The following PUDP variants were observed in gnomAD, a reference collection of about 807,000 sequenced individuals.
PUDP encodes pseudouridine 5'-phosphatase.
A neutral mutation model predicts 9.4 loss-of-function variants in PUDP; 8 were observed. That is an observed-to-expected ratio of 0.85 (90% CI 0.50 to 1.53). The LOEUF (loss-of-function observed/expected upper bound fraction) is 1.53, where lower values mean the gene tolerates loss of function less well. Ranked by LOEUF, PUDP falls within the 40% of genes most tolerant of loss-of-function variation. The pLI, the probability that PUDP is intolerant of heterozygous loss-of-function variation, is 0.00. For missense variants in PUDP, 188 were observed against 189.7 expected (o/e 0.99, Z 0.05); for synonymous variants, 99 against 80.7 (o/e 1.23, Z -1.22).
intron 3 of PUDP, among the ~76,000 whole-genome samples, chrX:6,927,964 C>CTTTT (rs34707742): frequency 5.3e-5 from 5 of 93,707 alleles, no homozygotes; most frequent in African/African-American, 1.9e-4. Flanking sequence ...GTGGTCTTCT[C>CTTTT]TTTTTTTTTT....
chrX:6,782,383 A>G (rs934360217), intron 3 of PUDP, among the ~76,000 whole-genome samples: 1 of 110,992 alleles, frequency 9.0e-6, no homozygotes, highest in African/African-American at 3.3e-5. Context: ...CAGCCTGGCC[A>G]ACATAGTGAA....
intron 1 of PUDP, among the ~76,000 whole-genome samples, chrX:7,014,099 C>G (rs1431604394): frequency 9.1e-6 from 1 of 110,448 alleles, no homozygotes; most frequent in African/African-American, 3.3e-5. Context: ...TTCCCTCTGA[C>G]CACCCCCAGT....
chrX:7,123,636 AG>A (rs1170369656), intron 1 of PUDP, among the ~76,000 whole-genome samples: 1 of 112,015 alleles, frequency 8.9e-6, no homozygotes, highest in African/African-American at 3.2e-5. Flanking sequence ...TATCTACAAT[AG>A]AGATACAATT....
intron 3 of PUDP, among the ~76,000 whole-genome samples, chrX:7,063,633 T>C (rs1030842292): frequency 8.1e-5 from 9 of 111,522 alleles, no homozygotes; most frequent in Non-Finnish European, 1.9e-5. Flanking sequence ...TTTTAAATAC[T>C]ACAAGTATAA....
intron 1 of PUDP, among the ~76,000 whole-genome samples, chrX:7,028,659 C>A (rs1431295619): frequency 1.8e-5 from 2 of 111,797 alleles, no homozygotes; most frequent in Non-Finnish European, 3.8e-5. Flanking sequence ...AAAAGGTACT[C>A]CGCTTGGCCA....
chrX:6,860,111 G>GGACC lies in PUDP; in HGVS notation c.*247+117018_*247+117021dup, dbSNP rs761489240. On this transcript the variant is annotated intron_variant and NMD_transcript_variant, in intron 3 of 3. Transcript: ENST00000655425. ...TCAGAGAGTGGTTGAGCCAGGCTTTGGACCCATGTAGCTCAGTTTCAAGCC... is the reference window on the plus strand; with the variant it reads ...TCAGAGAGTGGTTGAGCCAGGCTTTGGACCGACCCATGTAGCTCAGTTTCAAGCC... Among the ~76,000 whole-genome samples, 5 of 111,265 alleles carry GGACC rather than the reference G, an allele frequency of 4.5e-5. No homozygotes were observed. The South Asian group carries it at 1.9e-3, about 43-fold the overall frequency.
At chrX:6,981,516 A>C (rs112226444) in intron 1 of PUDP, among the ~76,000 whole-genome samples, 1 of 111,968 alleles carries the variant, frequency 8.9e-6, no homozygotes, top group Non-Finnish European at 1.9e-5. Flanking sequence ...TAAAAGTTTC[A>C]TCAGAGAGTC....
chrX:6,903,628 G>A (rs1211153437), intron 3 of PUDP, among the ~76,000 whole-genome samples: 1 of 111,255 alleles, frequency 9.0e-6, no homozygotes, highest in Non-Finnish European at 1.9e-5. Context: ...ATGAATTCAC[G>A]TCCTTTACGG....
intron 3 of PUDP, among the ~76,000 whole-genome samples, chrX:7,071,540 T>C (rs183071641): frequency 9.5e-4 from 106 of 111,087 alleles, no homozygotes; most frequent in Non-Finnish European, 1.6e-3. Context: ...TCAGCACTAA[T>C]CCCACCCTCT....
chrX:7,036,790 T>A (rs1929858745), intron 1 of PUDP, among the ~76,000 whole-genome samples: 1 of 111,743 alleles, frequency 8.9e-6, no homozygotes, highest in Non-Finnish European at 1.9e-5. Context: ...GTCTGCTCCC[T>A]TTTCATTCTC....
At chrX:6,816,351 TATAC>T (rs1926234612) in intron 3 of PUDP, among the ~76,000 whole-genome samples, 1 of 104,349 alleles carries the variant, frequency 9.6e-6, no homozygotes, top group Admixed American at 1.1e-4. Context: ...TATTTTTATA[TATAC>T]ATATAGTACA....
At chrX:6,954,885 C>G (rs908011511) in intron 3 of PUDP, among the ~76,000 whole-genome samples, 1 of 112,074 alleles carries the variant, frequency 8.9e-6, no homozygotes, top group Admixed American at 9.4e-5. Flanking sequence ...CACTGGGGCT[C>G]TATCACACGG....
chrX:6,878,647 C>T (rs1927300978), intron 3 of PUDP, among the ~76,000 whole-genome samples: 1 of 112,265 alleles, frequency 8.9e-6, no homozygotes, highest in Admixed American at 9.5e-5. Flanking sequence ...CGTGAGTCAC[C>T]ACACCTGGTC....
intron 3 of PUDP, among the ~76,000 whole-genome samples, chrX:6,767,241 C>T (rs963766670): frequency 8.9e-6 from 1 of 112,814 alleles, no homozygotes; most frequent in Non-Finnish European, 1.9e-5. Context: ...CCATGGCATG[C>T]GTTTGGGTCC....
intron 3 of PUDP, among the ~76,000 whole-genome samples, chrX:6,957,007 A>G (rs768404179): frequency 5.1e-4 from 57 of 112,330 alleles, no homozygotes; most frequent in Non-Finnish European, 9.2e-4. Context: ...ATCATGTCCA[A>G]TGAAGCCATG....
At chrX:7,085,510 G>A (rs1931236206) in intron 2 of PUDP, 1 of 112,046 alleles carries the variant, frequency 8.9e-6, no homozygotes, top group South Asian at 3.7e-4. Context: ...ATGTCTGCAG[G>A]TCAAACAGGC....
At chrX:6,968,744 C>G (rs755816979) in intron 3 of PUDP, among the ~76,000 whole-genome samples, 6 of 110,763 alleles carry the variant, frequency 5.4e-5, no homozygotes, top group African/African-American at 2.0e-4. Flanking sequence ...CTCAGCCTCC[C>G]CAGTAGCTGG....
At chrX:7,084,341 C>T (rs762279758) in intron 2 of PUDP, among the ~76,000 whole-genome samples, 13 of 112,479 alleles carry the variant, frequency 1.2e-4, no homozygotes, top group Admixed American at 2.8e-4. Context: ...TTCCTGCCGT[C>T]TGTTTTCCTC....
intron 1 of PUDP, among the ~76,000 whole-genome samples, chrX:7,021,807 G>A (rs1245776785): frequency 8.9e-6 from 1 of 112,115 alleles, no homozygotes; most frequent in African/African-American, 3.2e-5. Flanking sequence ...ATCCTACCTC[G>A]ATTTCTGAGA....
Sources: allele counts gnomAD v4.1 joint callset (sites outside exome capture counted in the v4.1 genomes callset), GRCh38; gene constraint gnomAD v4.1.1; transcripts MANE v1.5; gene names NCBI Gene and HGNC (gene_info 2026-07-23, HGNC 2026-07-21).